Variants in FRMD4A observed in about 807,000 individuals in gnomAD.
The protein encoded by FRMD4A is FERM domain containing 4A, also known as FERM domain-containing protein 4A.
In FRMD4A, 29 loss-of-function variants were observed where a neutral mutation model predicts 129.1. The ratio of observed to expected loss-of-function variants is 0.22; its 90% CI spans 0.17 to 0.31. The LOEUF (loss-of-function observed/expected upper bound fraction) is 0.31, where lower values mean the gene tolerates loss of function less well. Ranked by LOEUF, FRMD4A falls within the 10% of genes least tolerant of loss-of-function variation. The probability of loss-of-function intolerance (pLI) is 1.00; values close to 1 mark genes in which losing one functional copy is unlikely to be tolerated. For synonymous variants in FRMD4A, 634 were observed against 571.6 expected (o/e 1.11, Z -1.56); for missense variants, 1,272 against 1,375.8 (o/e 0.92, Z 1.19).
At chr10:13,970,288 T>C (rs1297972725) in intron 2 of FRMD4A, among the ~76,000 whole-genome samples, 1 of 145,178 alleles carries the variant, frequency 6.9e-6, no homozygotes, top group Non-Finnish European at 1.5e-5. Context: ...GTAAAGGGTC[T>C]ACCCCCCGCC....
intron 2 of FRMD4A, among the ~76,000 whole-genome samples, chr10:14,254,455 A>T (rs1258431220): frequency 2.0e-5 from 3 of 152,092 alleles, no homozygotes; most frequent in Admixed American, 6.5e-5. Flanking sequence ...CTCTCCAAGG[A>T]AATCTTGGCT....
At chr10:13,967,132 T>C (rs973079806) in intron 2 of FRMD4A, among the ~76,000 whole-genome samples, 8 of 152,080 alleles carry the variant, frequency 5.3e-5, no homozygotes, top group South Asian at 2.1e-4. Context: ...GTCAGGAAAT[T>C]GAGACCATCC....
chr10:14,285,508 C>A (rs1369922189), intron 2 of FRMD4A, among the ~76,000 whole-genome samples: 2 of 152,196 alleles, frequency 1.3e-5, no homozygotes. Context: ...ATGTGGAAAG[C>A]AAAATCCTAA....
intron 2 of FRMD4A, among the ~76,000 whole-genome samples, chr10:13,932,171 A>G (rs1363606766): frequency 6.6e-6 from 1 of 152,250 alleles, no homozygotes; most frequent in Non-Finnish European, 1.5e-5. Context: ...TGCAGAAGCA[A>G]TAACCTGGTC....
At chr10:13,925,566 C>CTTTTTTTTTTTGTTTTTTT (rs2095122864) in intron 2 of FRMD4A, among the ~76,000 whole-genome samples, 1 of 61,938 alleles carries the variant, frequency 1.6e-5, no homozygotes, top group African/African-American at 7.1e-5. Flanking sequence ...TAGTGAAACG[C>CTTTTTTTTTTTGTTTTTTT]TTTTTTTTTT....
At chr10:13,799,143 C>G (rs1786411041) in intron 4 of FRMD4A, among the ~76,000 whole-genome samples, 2 of 152,252 alleles carry the variant, frequency 1.3e-5, no homozygotes, top group Admixed American at 1.3e-4. Context: ...TTCATTTTCC[C>G]CAGCTGACTT....
chr10:13,680,025 AAAG>A (rs1317384663), intron 15 of FRMD4A, among the ~76,000 whole-genome samples: 1 of 152,246 alleles, frequency 6.6e-6, no homozygotes, highest in Non-Finnish European at 1.5e-5. Context: ...GGGAAGAAGG[AAAG>A]AAGCTACAAG....
chr10:14,269,054 T>G (rs954444811), intron 2 of FRMD4A, among the ~76,000 whole-genome samples: 1 of 152,184 alleles, frequency 6.6e-6, no homozygotes, highest in Non-Finnish European at 1.5e-5. Flanking sequence ...CTACTTCTAG[T>G]TGATTACAAA....
chr10:13,674,146 T>C (rs1217238909), intron 16 of FRMD4A, among the ~76,000 whole-genome samples: 1 of 152,226 alleles, frequency 6.6e-6, no homozygotes, highest in African/African-American at 2.4e-5. Context: ...TCACAGGGTC[T>C]AAAGGTGACT....
intron 2 of FRMD4A, among the ~76,000 whole-genome samples, chr10:13,866,008 T>C (rs2094363047): frequency 6.6e-6 from 1 of 152,166 alleles, no homozygotes; most frequent in East Asian, 1.9e-4. Flanking sequence ...TGCCTACTCG[T>C]TGACATCCCC....
At chr10:14,222,494 A>T (rs975531668) in intron 2 of FRMD4A, among the ~76,000 whole-genome samples, 5 of 151,826 alleles carry the variant, frequency 3.3e-5, no homozygotes, top group African/African-American at 9.7e-5. Context: ...GATTAGAGTG[A>T]GAGAGAGAGA....
At chr10:14,174,581 C>T (rs930972690) in intron 2 of FRMD4A, among the ~76,000 whole-genome samples, 4 of 151,266 alleles carry the variant, frequency 2.6e-5, no homozygotes, top group Admixed American at 2.6e-4. Context: ...TCATTCCTTC[C>T]TCTCTTAAGA....
intron 3 of FRMD4A, among the ~76,000 whole-genome samples, chr10:13,851,628 G>A (rs750315060): frequency 2.0e-5 from 3 of 152,068 alleles, no homozygotes; most frequent in African/African-American, 2.4e-5. Flanking sequence ...TAGGCCAGGC[G>A]TGGTGGCTCA....
At chr10:13,772,112 G>A (rs551608798) in intron 6 of FRMD4A, among the ~76,000 whole-genome samples, 17 of 143,210 alleles carry the variant, frequency 1.2e-4, no homozygotes, top group East Asian at 2.0e-4. Context: ...GCAAGACTCC[G>A]CCTCAAAAAA....
At chr10:13,750,112 G>GAAAGAAAGAAAGAAAGAAAGAAAT (rs2091527965) in intron 8 of FRMD4A, among the ~76,000 whole-genome samples, 4 of 74,656 alleles carry the variant, frequency 5.4e-5, no homozygotes, top group African/African-American at 1.5e-4. Context: ...AAGAAATGAA[G>GAAAGAAAGAAAGAAAGAAAGAAAT]AAAGAAAGAA....
intron 2 of FRMD4A, among the ~76,000 whole-genome samples, chr10:14,045,617 A>T (rs1480996610): frequency 2.7e-5 from 4 of 148,010 alleles, no homozygotes; most frequent in Non-Finnish European, 4.5e-5. Context: ...ATAATTATGT[A>T]TAAGATGATA....
intron 3 of FRMD4A, among the ~76,000 whole-genome samples, chr10:13,833,889 G>A (rs183829724): frequency 6.6e-5 from 10 of 152,230 alleles, no homozygotes; most frequent in East Asian, 1.9e-4. Flanking sequence ...GGGTCTGGGC[G>A]CTTAAAAGTT....
intron 2 of FRMD4A, among the ~76,000 whole-genome samples, chr10:14,187,537 A>G (rs1364330932): frequency 6.6e-6 from 1 of 152,174 alleles, no homozygotes; most frequent in African/African-American, 2.4e-5. Context: ...GCCTTTCTCC[A>G]TTTACCCCCA....
At chr10:13,799,179 A>G (rs2093196100) in intron 4 of FRMD4A, among the ~76,000 whole-genome samples, 1 of 152,170 alleles carries the variant, frequency 6.6e-6, no homozygotes, top group African/African-American at 2.4e-5. Context: ...TATTTTTTAG[A>G]TGGAGTCTTG....
Sources: allele counts gnomAD v4.1 joint callset (sites outside exome capture counted in the v4.1 genomes callset), GRCh38; gene constraint gnomAD v4.1.1; transcripts MANE v1.5; gene names NCBI Gene and HGNC (gene_info 2026-07-23, HGNC 2026-07-21).